Variants in NFX1 observed in about 807,000 individuals in gnomAD.
NFX1 encodes nuclear transcription factor, X-box binding 1, also known as transcriptional repressor NF-X1.
NFX1 carries 69 observed loss-of-function variants against 137.2 expected under a neutral mutation model. The ratio of observed to expected loss-of-function variants is 0.50; its 90% CI spans 0.41 to 0.61. NFX1 has a LOEUF of 0.61. NFX1 is among the 20% of genes least tolerant of loss of function. NFX1 has a pLI of 0.00. For synonymous variants in NFX1, 495 were observed against 474.1 expected (o/e 1.04, Z -0.57); for missense variants, 1,167 against 1,391.0 (o/e 0.84, Z 2.56).
chr9:33,342,192 G>T (rs1314354192), intron 12 of NFX1, among the ~76,000 whole-genome samples: 1 of 56,166 alleles, frequency 1.8e-5, no homozygotes, highest in African/African-American at 6.6e-5. Context: ...TTTCAAACTG[G>T]CTCATGCCTG....
chr9:33,292,461 C>T (rs1821197389), intron 1 of NFX1, among the ~76,000 whole-genome samples: 1 of 152,204 alleles, frequency 6.6e-6, no homozygotes, highest in South Asian at 2.1e-4. Flanking sequence ...CTGTTGGACA[C>T]CTACTGTGCT....
chr9:33,295,586 G>T (rs759775410), intron 2 of NFX1, among the ~76,000 whole-genome samples, 159 bp downstream of exon 2: 3 of 152,152 alleles, frequency 2.0e-5, no homozygotes, highest in Non-Finnish European at 2.9e-5. Flanking sequence ...ACCACCACTC[G>T]CTGCTCCCTG....
chr9:33,331,280 A>T (rs1268499753), intron 10 of NFX1, among the ~76,000 whole-genome samples: 3 of 152,262 alleles, frequency 2.0e-5, no homozygotes, highest in African/African-American at 7.2e-5. Flanking sequence ...TTTCCACAGA[A>T]GTGAGTTTTC....
intron 13 of NFX1, among the ~76,000 whole-genome samples, chr9:33,343,716 A>G (rs141398955): frequency 4.8e-4 from 73 of 152,264 alleles, no homozygotes; most frequent in African/African-American, 1.6e-3. Flanking sequence ...TTGGAAAATA[A>G]TTCTTCACTG....
rs1824182465 is a variant in NFX1 at position 33,366,754 on chromosome 9, TGTG to T, written c.3171_3173del (p.Val1058del). The T allele has an allele frequency of 6.2e-7, 1 of 1,613,990 alleles. No individual in the cohort carries two copies. The highest frequency in any genetic ancestry group is 8.5e-7 in the Non-Finnish European group (1 of 1,179,944). The stretch of plus-strand genomic sequence containing the variant: ...GCTATGACAGTGAACCGAAGCGCAA[TGTG>T]GTGGTCACTGCCATCAGGTAGGTCA... On this transcript the variant is annotated inframe_deletion, in exon 22 of 24. Coordinates refer to ENST00000379540, the MANE Select transcript of NFX1 (RefSeq NM_002504.6).
rs529831617 is a variant in NFX1, at chr9:33,333,559, G to A, written c.2035+1057G>A. ...GTTGTTGTTCTCTTCCTATGTAAGA[G>A]CAAGGAAAACAGTCCTGAAAGGTTC... On this transcript the variant is annotated intron_variant, in intron 11 of 23. Coordinates refer to ENST00000379540, the MANE Select transcript of NFX1 (RefSeq NM_002504.6). Among the ~76,000 whole-genome samples the A allele has an allele frequency of 2.6e-5, 4 of 152,312 alleles. No homozygotes were observed. The South Asian group carries it at 8.3e-4, about 32-fold the overall frequency.
In NFX1 at chr9:33,351,681, A is replaced by G. The variant is rs1823641256; in HGVS notation, c.2546A>G (p.Asp849Gly). 1.9e-6 allele frequency: 3 copies of G among 1,613,978 alleles called. No individual in the cohort carries two copies. In the African/African-American group the frequency reaches 4.0e-5, roughly 22 times the overall value. Residue 849 changes from aspartate to glycine, a missense_variant, in exon 16 of 24, where the codon GAT becomes GGT. By Grantham distance (94) the Asp-to-Gly change is moderately conservative. Transcript: ENST00000379540. ...TGTCACAAAGGGGAGTGTCTTGTGG[A>G]TGAGCCCTGCAAGCAGCCCTGCACC... Reference protein sequence around the residue: ...RLCHKGECLVDEPCKQPCTTP... With the variant: ...RLCHKGECLVGEPCKQPCTTP...
chr9:33,330,419 A>T lies in NFX1; in HGVS notation c.2004+1741A>T, dbSNP rs148871493. ...ATTTACATGTTACAAAAGTTGTGTAATCATATATGGGTTTTTTCCTGAAAG... is the reference window on the plus strand; with the variant it reads ...ATTTACATGTTACAAAAGTTGTGTATTCATATATGGGTTTTTTCCTGAAAG... On this transcript the variant is annotated intron_variant, in intron 10 of 23. Transcript: ENST00000379540. 2.0e-3 allele frequency among the ~76,000 whole-genome samples: 307 copies of T among 152,370 alleles called. 1 individual carries two copies. Among genetic ancestry groups the T allele is most frequent in the African/African-American group, 6.8e-3 (283 of 41,582 alleles).
At chr9:33,315,225 CA>C (rs60137205) in intron 7 of NFX1, among the ~76,000 whole-genome samples, 4,927 of 90,754 alleles carry the variant, frequency 0.054, 75 homozygotes, top group Non-Finnish European at 0.06. Context: ...AACTCTGTCT[CA>C]AAAAAAAAAA....
At chr9:33,311,296 CTTT>C in intron 6 of NFX1, 119 bp downstream of exon 6, 2 of 714,566 alleles carry the variant, frequency 2.8e-6, no homozygotes, top group South Asian at 2.1e-5. Flanking sequence ...ATGAATAGTA[CTTT>C]TTTTTTTTCA....
chr9:33,351,490 A>G, intron 15 of NFX1, 70 bp from the exon 16 acceptor site: 1 of 1,433,802 alleles, frequency 7.0e-7, no homozygotes, highest in South Asian at 1.2e-5. Flanking sequence ...AGAAATGTTT[A>G]AAGAGAAAGT....
intron 11 of NFX1, among the ~76,000 whole-genome samples, chr9:33,335,253 G>T (rs1333982867): frequency 4.9e-5 from 6 of 122,168 alleles, no homozygotes; most frequent in Non-Finnish European, 6.5e-5. Context: ...TTTTTGAGAC[G>T]GAGTTTTGCT....
chr9:33,334,428 C>T (rs1461857103), intron 11 of NFX1, among the ~76,000 whole-genome samples: 1 of 152,130 alleles, frequency 6.6e-6, no homozygotes. Context: ...TGCACTCTAT[C>T]CTGGTGACAG....
intron 7 of NFX1, among the ~76,000 whole-genome samples, chr9:33,315,579 G>T (rs1237021381): frequency 6.6e-6 from 1 of 152,066 alleles, no homozygotes; most frequent in Non-Finnish European, 1.5e-5. Flanking sequence ...TGTGAAACAT[G>T]CTCAGAGACC....
intron 19 of NFX1, among the ~76,000 whole-genome samples, chr9:33,356,074 G>A (rs1165173751): frequency 6.6e-6 from 1 of 152,220 alleles, no homozygotes; most frequent in African/African-American, 2.4e-5. Context: ...TGTCCAAAGT[G>A]ATTGTACCAA....
intron 16 of NFX1, 80 bp from the exon 17 acceptor site, chr9:33,352,566 G>C (rs1823674867): frequency 8.1e-7 from 1 of 1,231,534 alleles, no homozygotes; most frequent in Non-Finnish European, 1.2e-6. Context: ...TATGGTTTAA[G>C]AGAGGATTTA....
rs575705154 is a variant in NFX1 at position 33,338,488 on chromosome 9, T to C, written c.2036-22T>C. ...CATATCCTTTGTCTGGTTTTTTTTT[T>C]CTTTTTAATTTGCCACAGCAGATGC... is the stretch of plus-strand genomic sequence containing the variant. On this transcript the variant is annotated intron_variant, in intron 11 of 23. Coordinates refer to ENST00000379540, the MANE Select transcript of NFX1 (RefSeq NM_002504.6). 1.2e-4 allele frequency: 197 copies of C among 1,606,574 alleles called. 6 individuals carry two copies. In the South Asian group the frequency reaches 2.2e-3, roughly 18 times the overall value.
At chr9:33,368,887 C>T (rs1212114091) in intron 23 of NFX1, among the ~76,000 whole-genome samples, 2 of 152,068 alleles carry the variant, frequency 1.3e-5, no homozygotes, top group Non-Finnish European at 2.9e-5. Context: ...AGGACCAGCC[C>T]CTCTCCACTC....
chr9:33,332,973 G>A (rs1822865094), intron 11 of NFX1, among the ~76,000 whole-genome samples: 1 of 152,138 alleles, frequency 6.6e-6, no homozygotes, highest in South Asian at 2.1e-4. Context: ...AGCCTCCCAA[G>A]TAGCTGGGAT....
Sources: allele counts gnomAD v4.1 joint callset (sites outside exome capture counted in the v4.1 genomes callset), GRCh38; gene constraint gnomAD v4.1.1; transcripts MANE v1.5; gene names NCBI Gene and HGNC (gene_info 2026-07-23, HGNC 2026-07-21).